Variants in RHOU observed in about 807,000 individuals in gnomAD.
RHOU encodes ras homolog family member U, also known as rho-related GTP-binding protein RhoU.
In RHOU, 8 loss-of-function variants were observed where a neutral mutation model predicts 12.6. That is an observed-to-expected ratio of 0.64 (90% confidence interval 0.37 to 1.15). The LOEUF (loss-of-function observed/expected upper bound fraction) is 1.15, where lower values mean the gene tolerates loss of function less well. Ranked by LOEUF, RHOU falls within the 50% of genes most tolerant of loss-of-function variation. The pLI is 0.01. For missense variants in RHOU, 258 were observed against 347.0 expected, an observed-to-expected ratio of 0.74 and a Z score of 2.04; for synonymous variants, 161 against 147.4, an observed-to-expected ratio of 1.09 and a Z score of -0.67.
At chr1:228,689,436 T>G in the RHOU span, among the ~76,000 whole-genome samples, 1 of 152,190 alleles carries the variant, frequency 6.6e-6, no homozygotes, top group Non-Finnish European at 1.5e-5. Context: ...TGAATCTGCC[T>G]GTTGATCCCT....
the RHOU span, among the ~76,000 whole-genome samples, chr1:228,653,365 G>C: frequency 6.6e-6 from 1 of 152,120 alleles, no homozygotes; most frequent in Non-Finnish European, 1.5e-5. Context: ...TGTTGTCCAG[G>C]CTGGAGTGCA....
At chr1:228,666,580 C>T in the RHOU span, among the ~76,000 whole-genome samples, 1 of 152,124 alleles carries the variant, frequency 6.6e-6, no homozygotes, top group Non-Finnish European at 1.5e-5. Flanking sequence ...CCTATCCCTC[C>T]CTTCCTATCC....
the RHOU span, among the ~76,000 whole-genome samples, chr1:228,654,701 A>C: frequency 1.3e-5 from 2 of 152,216 alleles, no homozygotes; most frequent in Non-Finnish European, 2.9e-5. Flanking sequence ...ACAGAACCTG[A>C]TCTAAGAAAT....
At chr1:228,662,429 C>T in the RHOU span, among the ~76,000 whole-genome samples, 7 of 152,174 alleles carry the variant, frequency 4.6e-5, no homozygotes, top group Non-Finnish European at 4.4e-5. Flanking sequence ...TTGGAACCAA[C>T]CCAAATGTCC....
At chr1:228,681,091 A>G in the RHOU span, among the ~76,000 whole-genome samples, 3 of 152,138 alleles carry the variant, frequency 2.0e-5, no homozygotes, top group Admixed American at 6.6e-5. Flanking sequence ...AGAGTTAGAT[A>G]TTGGAATTCC....
chr1:228,662,089 T>C, the RHOU span, among the ~76,000 whole-genome samples: 5 of 152,230 alleles, frequency 3.3e-5, no homozygotes, highest in Non-Finnish European at 7.3e-5. Flanking sequence ...ATGCTCATCA[T>C]CACTGGTCAT....
In RHOU at chr1:228,737,743, G is replaced by A. The variant is rs1269294419; in HGVS notation, c.321+12G>A. On this transcript the variant is annotated intron_variant, in intron 2 of 2. Transcript: ENST00000366691. This position sits in a 1 kb window ranked among gnomAD's most constrained non-coding sequence, Gnocchi z 4.1. ...ACACTGCCGGACAGGTCAGTATCAC[G>A]TTACAGCTCAGTGCTGGGAAAGGAA... 3 of 1,613,772 alleles carry A rather than the reference G, an allele frequency of 1.9e-6. No homozygotes were observed. Among genetic ancestry groups the A allele is most frequent in the East Asian group, 2.2e-5 (1 of 44,884 alleles).
At chr1:228,671,575 A>G in the RHOU span, among the ~76,000 whole-genome samples, 2 of 151,736 alleles carry the variant, frequency 1.3e-5, no homozygotes, top group Non-Finnish European at 2.9e-5. Flanking sequence ...AAATTAGCCC[A>G]GCATGGTGGT....
At chr1:228,686,517 T>C in the RHOU span, among the ~76,000 whole-genome samples, 1 of 152,342 alleles carries the variant, frequency 6.6e-6, no homozygotes, top group African/African-American at 2.4e-5. Flanking sequence ...GAATTTCAGT[T>C]TCAGAAATCT....
the RHOU span, among the ~76,000 whole-genome samples, chr1:228,717,605 A>G: frequency 6.6e-6 from 1 of 152,360 alleles, no homozygotes; most frequent in African/African-American, 2.4e-5. Flanking sequence ...CAAAACATCA[A>G]TGCCAAGGTG....
chr1:228,653,827 G>A, the RHOU span, among the ~76,000 whole-genome samples: 4 of 152,294 alleles, frequency 2.6e-5, no homozygotes, highest in South Asian at 8.3e-4. Context: ...CAAATGATTA[G>A]GCGAAATTTG....
the RHOU span, among the ~76,000 whole-genome samples, chr1:228,721,234 G>A: frequency 4.6e-5 from 7 of 152,120 alleles, no homozygotes; most frequent in East Asian, 3.9e-4. Context: ...CCTGGGAGGC[G>A]AAGGTTGCAG....
At chr1:228,649,243 C>A in the RHOU span, among the ~76,000 whole-genome samples, 1 of 152,144 alleles carries the variant, frequency 6.6e-6, no homozygotes, top group Non-Finnish European at 1.5e-5. Flanking sequence ...TATAATATGG[C>A]AAACATTACT....
intron 2 of RHOU, among the ~76,000 whole-genome samples, chr1:228,742,747 C>T (rs181698773): frequency 3.3e-5 from 5 of 152,248 alleles, no homozygotes; most frequent in Non-Finnish European, 7.4e-5. Context: ...GTGGGCAGAG[C>T]GTGTGCACAG....
the RHOU span, among the ~76,000 whole-genome samples, chr1:228,679,708 C>A: frequency 1.3e-5 from 2 of 151,828 alleles, no homozygotes; most frequent in African/African-American, 2.4e-5. Context: ...TTAAAGCATG[C>A]GGTGGGATGG....
At chr1:228,649,177 TC>T in the RHOU span, among the ~76,000 whole-genome samples, 1 of 152,208 alleles carries the variant, frequency 6.6e-6, no homozygotes, top group East Asian at 1.9e-4. Context: ...TTTTACTTTT[TC>T]TAAAAGCCAT....
chr1:228,651,126 C>T, the RHOU span: 3 of 216,024 alleles, frequency 1.4e-5, no homozygotes, highest in African/African-American at 7.0e-5. Flanking sequence ...AGCATGATCT[C>T]ACCCAGCTTT....
upstream of RHOU, chr1:228,735,028 C>T (rs1662562625): frequency 6.6e-6 from 1 of 152,254 alleles, no homozygotes; most frequent in Non-Finnish European, 1.5e-5. The surrounding 1 kb of genome is among the most constrained non-coding windows in gnomAD (Gnocchi z 8.1). Flanking sequence ...GCAGGACAGG[C>T]CTCCAGGACA....
chr1:228,671,614 G>A, the RHOU span, among the ~76,000 whole-genome samples: 1 of 150,778 alleles, frequency 6.6e-6, no homozygotes, highest in Non-Finnish European at 1.5e-5. Context: ...CTACTCATGA[G>A]GCTGAGGCAG....
Sources: allele counts gnomAD v4.1 joint callset (sites outside exome capture counted in the v4.1 genomes callset), GRCh38; gene constraint gnomAD v4.1.1; non-coding constraint Gnocchi (gnomAD v3.1); transcripts MANE v1.5; gene names NCBI Gene and HGNC (gene_info 2026-07-23, HGNC 2026-07-21).